Variants in RBFOX1 observed in about 807,000 individuals in gnomAD.
The protein encoded by RBFOX1 is RNA binding protein fox-1 homolog 1.
A neutral mutation model predicts 57.7 loss-of-function variants in RBFOX1; 8 were observed. The observed-to-expected ratio is 0.14, with a 90% CI of 0.08 to 0.25. RBFOX1 has a LOEUF of 0.25. RBFOX1 is among the 10% of genes least tolerant of loss of function. The pLI is 1.00. For synonymous variants in RBFOX1, 326 were observed against 222.4 expected, an observed-to-expected ratio of 1.47 and a Z score of -4.15; for missense variants, 611 against 548.5, an observed-to-expected ratio of 1.11 and a Z score of -1.14.
chr16:5,318,993 G>C (rs1031981408), intron 1 of RBFOX1, among the ~76,000 whole-genome samples: 9 of 152,132 alleles, frequency 5.9e-5, no homozygotes, highest in Non-Finnish European at 1.0e-4. Context: ...TGGGCATGGT[G>C]GCGTGCGCCT....
chr16:5,971,609 A>G (rs1275906807), intron 4 of RBFOX1, among the ~76,000 whole-genome samples: 2 of 152,202 alleles, frequency 1.3e-5, no homozygotes, highest in East Asian at 3.8e-4. Flanking sequence ...AACTAATTTA[A>G]TCAACGGTTT....
chr16:6,298,017 G>C (rs985557322), intron 1 of RBFOX1, among the ~76,000 whole-genome samples: 5 of 152,230 alleles, frequency 3.3e-5, no homozygotes. Context: ...GATGCAGAAA[G>C]CTGTTGCACT....
At chr16:6,334,448 C>T (rs1441995914) in intron 2 of RBFOX1, among the ~76,000 whole-genome samples, 1 of 140,914 alleles carries the variant, frequency 7.1e-6, no homozygotes, top group East Asian at 2.0e-4. Context: ...GTCTAGGTTG[C>T]AGTGAGCCGA....
At position 5,800,075 on chromosome 16, in the gene RBFOX1, A is replaced by G. The variant is rs914726768; in HGVS notation, c.319-67228A>G. Among the ~76,000 whole-genome samples the G allele has an allele frequency of 7.0e-4, 107 of 152,130 alleles. 2 individuals are homozygous for G. Among genetic ancestry groups the G allele is most frequent in the African/African-American group, 2.3e-3 (97 of 41,510 alleles). On this transcript the variant is annotated intron_variant, in intron 3 of 19. Coordinates refer to the RBFOX1 transcript ENST00000641259. ...TATATGTATAAGTATATACATATAC[A>G]TGTCCTACTTATAGATGGAGGGGAG...
At chr16:7,473,641 G>T (rs12709201) in intron 4 of RBFOX1, among the ~76,000 whole-genome samples, 3 of 151,384 alleles carry the variant, frequency 2.0e-5, no homozygotes, top group Admixed American at 2.0e-4. Flanking sequence ...GTAATATCTT[G>T]TTGTGCTTTA....
At chr16:6,736,032 T>C (rs1244936327) in intron 3 of RBFOX1, among the ~76,000 whole-genome samples, 2 of 150,630 alleles carry the variant, frequency 1.3e-5, no homozygotes, top group Admixed American at 6.6e-5. Context: ...TTTAGAATTT[T>C]CAGCATGGTT....
intron 4 of RBFOX1, chr16:7,328,933 G>T (rs2096648456): frequency 6.6e-6 from 1 of 152,146 alleles, no homozygotes; most frequent in Non-Finnish European, 1.5e-5. Context: ...TTCGAGGTAA[G>T]AATGGTGTTT....
In RBFOX1 at chr16:6,721,907, C is replaced by T. The variant is rs1568352042; in HGVS notation, c.-16+67257C>T. ...TCCCCCCAAAATAACGAGACCTCAC[C>T]TGGCCTCTGCATTTCCACATCCCTG... is the stretch of plus-strand genomic sequence containing the variant. On this transcript the variant is annotated intron_variant, in intron 3 of 15. Coordinates refer to ENST00000550418, the MANE Select transcript of RBFOX1 (RefSeq NM_018723.4). The T allele has an allele frequency of 2.0e-5, 3 of 153,608 alleles. No homozygotes were observed. The East Asian group carries it at 5.9e-4, about 30-fold the overall frequency. 9.5% of individuals were successfully genotyped at this position (153,608 alleles called of 1,614,324 possible).
intron 1 of RBFOX1, among the ~76,000 whole-genome samples, chr16:5,349,604 C>T (rs542695486): frequency 2.9e-5 from 1 of 34,378 alleles, no homozygotes; most frequent in South Asian, 1.6e-3. Context: ...AACAGGGAGG[C>T]GGAGGTTTCA....
chr16:6,156,272 T>C (rs966094386), intron 1 of RBFOX1, among the ~76,000 whole-genome samples: 14 of 152,246 alleles, frequency 9.2e-5, no homozygotes, highest in Non-Finnish European at 5.9e-5. Flanking sequence ...TTACCTCTCC[T>C]GCTTCCCCCA....
intron 1 of RBFOX1, among the ~76,000 whole-genome samples, chr16:6,143,398 A>T (rs753220643): frequency 6.6e-6 from 1 of 152,216 alleles, no homozygotes; most frequent in Non-Finnish European, 1.5e-5. Flanking sequence ...GGTCTCAAGT[A>T]TTATTTCATC....
chr16:7,533,132 T>G (rs1463248176), intron 5 of RBFOX1, among the ~76,000 whole-genome samples: 1 of 152,218 alleles, frequency 6.6e-6, no homozygotes, highest in Non-Finnish European at 1.5e-5. Context: ...AGTGTACCCT[T>G]TTACCTGCAT....
chr16:7,004,414 A>G (rs1361722969), intron 3 of RBFOX1, among the ~76,000 whole-genome samples: 3 of 152,204 alleles, frequency 2.0e-5, no homozygotes, highest in African/African-American at 4.8e-5. Flanking sequence ...TCAGAGACCC[A>G]AGCTGGTCAG....
chr16:5,414,315 G>T (rs7184366), intron 1 of RBFOX1, among the ~76,000 whole-genome samples: 47,802 of 151,968 alleles, frequency 0.31, 7,773 homozygotes, highest in Middle Eastern at 0.38. Flanking sequence ...AGCTGCTAGG[G>T]TCCAGATTCA....
intron 1 of RBFOX1, among the ~76,000 whole-genome samples, chr16:6,173,865 C>T (rs2096982017): frequency 6.6e-6 from 1 of 151,930 alleles, no homozygotes; most frequent in Non-Finnish European, 1.5e-5. Flanking sequence ...CTGCCTTGGC[C>T]TCCCAAAGTG....
rs369979196 is a variant in RBFOX1, at chr16:6,383,101, A to G, written c.-64+66044A>G. The stretch of plus-strand genomic sequence containing the variant: ...AGTCACTTGCTGACATGTGCTAGCA[A>G]ATTCTCATGCTTTCTCCAAAAAAAG... On this transcript the variant is annotated intron_variant, in intron 2 of 15. Coordinates refer to ENST00000550418, the MANE Select transcript of RBFOX1 (RefSeq NM_018723.4). Among the ~76,000 whole-genome samples, 4 of 152,200 alleles carry G rather than the reference A, an allele frequency of 2.6e-5. No homozygotes were observed. The East Asian group carries it at 5.8e-4, about 22-fold the overall frequency.
At chr16:6,807,900 G>GAC (rs2087289045) in intron 3 of RBFOX1, among the ~76,000 whole-genome samples, 1 of 43,488 alleles carries the variant, frequency 2.3e-5, no homozygotes, top group African/African-American at 6.2e-5. Context: ...ATATTATTGT[G>GAC]TGTGTGTGTG....
chr16:6,279,121 T>C (rs536439389), intron 1 of RBFOX1, among the ~76,000 whole-genome samples: 2 of 152,336 alleles, frequency 1.3e-5, no homozygotes, highest in Admixed American at 1.3e-4. Flanking sequence ...CTTAGTGGAA[T>C]TAACTCTGTT....
intron 4 of RBFOX1, among the ~76,000 whole-genome samples, chr16:7,472,864 G>A (rs545544377): frequency 1.3e-5 from 2 of 152,280 alleles, no homozygotes; most frequent in South Asian, 4.1e-4. Flanking sequence ...ATGGAAATGT[G>A]GGATTTCTCT....
Sources: allele counts gnomAD v4.1 joint callset (sites outside exome capture counted in the v4.1 genomes callset), GRCh38; gene constraint gnomAD v4.1.1; transcripts MANE v1.5; gene names NCBI Gene and HGNC (gene_info 2026-07-23, HGNC 2026-07-21).